PDE11A: variants seen among roughly 807,000 people sequenced by gnomAD.
PDE11A encodes phosphodiesterase 11A.
PDE11A carries 100 observed loss-of-function variants against 100.5 expected under a neutral mutation model. The ratio of observed to expected loss-of-function variants is 1.00; its 90% CI spans 0.85 to 1.18. The LOEUF is 1.18. Ranked by LOEUF, PDE11A falls within the 50% of genes most tolerant of loss-of-function variation. The pLI, the probability that PDE11A is intolerant of heterozygous loss-of-function variation, is 0.00. For synonymous variants in PDE11A, 381 were observed against 420.8 expected (o/e 0.91, Z 1.16); for missense variants, 1,141 against 1,152.6 (o/e 0.99, Z 0.15).
At chr2:177,773,477 G>T (rs2082339926) in intron 9 of PDE11A, among the ~76,000 whole-genome samples, 1 of 152,122 alleles carries the variant, frequency 6.6e-6, no homozygotes, top group Non-Finnish European at 1.5e-5. Context: ...TACATGCTTT[G>T]GTTACTTTTT....
chr2:177,638,811 C>T (rs2080093717), intron 19 of PDE11A, among the ~76,000 whole-genome samples: 1 of 152,186 alleles, frequency 6.6e-6, no homozygotes, highest in Non-Finnish European at 1.5e-5. Flanking sequence ...CAAGGCTTTT[C>T]TTGGGTACTC....
intron 5 of PDE11A, among the ~76,000 whole-genome samples, chr2:177,858,676 A>T (rs958525597): frequency 2.0e-5 from 3 of 152,212 alleles, no homozygotes; most frequent in African/African-American, 4.8e-5. Flanking sequence ...ACCATTGCGG[A>T]AGTCAGTGTG....
At chr2:177,682,873 C>T (rs1348603468) in intron 15 of PDE11A, among the ~76,000 whole-genome samples, 6 of 152,144 alleles carry the variant, frequency 3.9e-5, no homozygotes, top group Non-Finnish European at 8.8e-5. Context: ...CCACATAGTA[C>T]TGATGTTTCA....
chr2:178,061,491 T>A (rs2086968965), intron 1 of PDE11A, among the ~76,000 whole-genome samples: 1 of 152,166 alleles, frequency 6.6e-6, no homozygotes, highest in African/African-American at 2.4e-5. Flanking sequence ...ATAAAGTTTA[T>A]AATAAAGTCT....
intron 5 of PDE11A, among the ~76,000 whole-genome samples, chr2:177,845,273 ACGGGGCGG>A: frequency 6.7e-6 from 1 of 149,272 alleles, no homozygotes; most frequent in African/African-American, 2.5e-5. Flanking sequence ...CACTTCTCAG[ACGGGGCGG>A]TTGCCAGGCA....
intron 2 of PDE11A, among the ~76,000 whole-genome samples, chr2:178,007,077 C>G (rs1422774258): frequency 6.6e-6 from 1 of 152,144 alleles, no homozygotes; most frequent in Non-Finnish European, 1.5e-5. Context: ...AATTTTATTT[C>G]CATTATTTTA....
chr2:177,648,257 A>G (rs1186252115), intron 19 of PDE11A, among the ~76,000 whole-genome samples: 1 of 152,118 alleles, frequency 6.6e-6, no homozygotes, highest in Non-Finnish European at 1.5e-5. Context: ...CTACTGGAAG[A>G]CCCGGTAGAA....
At chr2:177,824,382 A>G (rs934263847) in intron 6 of PDE11A, among the ~76,000 whole-genome samples, 1 of 152,202 alleles carries the variant, frequency 6.6e-6, no homozygotes, top group East Asian at 1.9e-4. Context: ...AAGACTAAAA[A>G]CTGAACTTTG....
chr2:177,886,959 G>C lies in PDE11A; in HGVS notation c.1303-11036C>G, dbSNP rs923930402. 1.1e-4 allele frequency among the ~76,000 whole-genome samples: 16 copies of C among 152,308 alleles called. No individual in the cohort carries two copies. The East Asian group carries it at 3.1e-3, about 29-fold the overall frequency. ...CTGCTGAACTCCAAGTCCAGAAACA[G>C]GCTGGCAGTGATGGTCGGAATTTCA... On this transcript the variant is annotated intron_variant, in intron 4 of 19. Transcript: ENST00000286063.
chr2:177,689,451 C>A (rs904881986), intron 15 of PDE11A, among the ~76,000 whole-genome samples: 2 of 151,850 alleles, frequency 1.3e-5, no homozygotes, highest in Non-Finnish European at 2.9e-5. Flanking sequence ...TGTGTGGATG[C>A]GGTGAGTGGG....
intron 1 of PDE11A, among the ~76,000 whole-genome samples, chr2:178,046,096 C>T (rs1038582651): frequency 1.7e-4 from 26 of 152,152 alleles, no homozygotes; most frequent in African/African-American, 5.5e-4. Context: ...TAGGAAGTAA[C>T]GGTGTCTATC....
chr2:178,022,172 T>C (rs2086421143), intron 1 of PDE11A, among the ~76,000 whole-genome samples: 1 of 152,048 alleles, frequency 6.6e-6, no homozygotes, highest in African/African-American at 2.4e-5. Context: ...TTAGTGGTAG[T>C]AGGAGTGGTG....
intron 17 of PDE11A, among the ~76,000 whole-genome samples, chr2:177,673,154 G>C (rs1236131754): frequency 6.6e-6 from 1 of 152,134 alleles, no homozygotes; most frequent in East Asian, 1.9e-4. Flanking sequence ...ATGGGCAAAT[G>C]GAAAGGACTT....
intron 1 of PDE11A, among the ~76,000 whole-genome samples, chr2:178,020,162 G>C (rs2086389197): frequency 6.6e-6 from 1 of 152,204 alleles, no homozygotes. Flanking sequence ...AAGAAGAGTG[G>C]TATGTATTCT....
At chr2:177,749,281 A>G (rs2081995471) in intron 10 of PDE11A, among the ~76,000 whole-genome samples, 1 of 152,142 alleles carries the variant, frequency 6.6e-6, no homozygotes, top group African/African-American at 2.4e-5. Context: ...GCACAATCAT[A>G]GTTCATTGTA....
intron 5 of PDE11A, among the ~76,000 whole-genome samples, chr2:177,871,534 T>A (rs867446253): frequency 1.4e-5 from 1 of 73,846 alleles, no homozygotes; most frequent in African/African-American, 6.0e-5. Context: ...AAATTATTAT[T>A]ATTATTATTA....
intron 5 of PDE11A, among the ~76,000 whole-genome samples, chr2:177,868,351 A>G (rs1406050918): frequency 6.6e-6 from 1 of 152,190 alleles, no homozygotes; most frequent in African/African-American, 2.4e-5. Flanking sequence ...AAGCCACAGG[A>G]AAAACAAAGC....
rs536702913 is a variant in PDE11A, at chr2:177,831,382, T to G, written c.1500+8869A>C. 9.8e-5 allele frequency among the ~76,000 whole-genome samples: 15 copies of G among 152,366 alleles called. 1 individual carries two copies. The highest frequency in any genetic ancestry group is 3.4e-4 in the African/African-American group (14 of 41,592). ...TGCTGCATATCTTGGGCAGAGTTTC[T>G]AAGGACTTCCCTGAATTTTATCAAG... On this transcript the variant is annotated intron_variant, in intron 6 of 19. Coordinates refer to ENST00000286063, the MANE Select transcript of PDE11A (RefSeq NM_016953.4).
chr2:177,782,810 T>C (rs2082472670), intron 9 of PDE11A, among the ~76,000 whole-genome samples: 1 of 151,964 alleles, frequency 6.6e-6, no homozygotes, highest in Admixed American at 6.6e-5. Flanking sequence ...CTTTTTCTTC[T>C]CTTTCTCTCC....
Sources: allele counts gnomAD v4.1 joint callset (sites outside exome capture counted in the v4.1 genomes callset), GRCh38; gene constraint gnomAD v4.1.1; transcripts MANE v1.5; gene names NCBI Gene and HGNC (gene_info 2026-07-23, HGNC 2026-07-21).